BIRC3: variants seen among roughly 807,000 people sequenced by gnomAD.
BIRC3 encodes baculoviral IAP repeat containing 3, also known as baculoviral IAP repeat-containing protein 3.
In BIRC3, 26 loss-of-function variants were observed where a neutral mutation model predicts 59.0. The observed-to-expected ratio is 0.44, with a 90% CI of 0.32 to 0.61. BIRC3 has a LOEUF of 0.61. BIRC3 is among the 20% of genes least tolerant of loss of function. BIRC3 has a pLI of 0.04. For synonymous variants in BIRC3, 243 were observed against 249.2 expected, an observed-to-expected ratio of 0.98 and a Z score of 0.24; for missense variants, 641 against 711.5, an observed-to-expected ratio of 0.90 and a Z score of 1.13.
At position 102,338,677 on chromosome 11, in the gene BIRC3, G is replaced by A. The variant is rs1171907500; in HGVS notation, c.*1575G>A. On this transcript the variant is annotated 3_prime_UTR_variant, in exon 9 of 9. Transcript: ENST00000263464. ...TAGGGCAGGGCCTGTATGGGATGGGGATATTATAACCTGCTATCAAGCAAG... is the reference window on the plus strand; with the variant it reads ...TAGGGCAGGGCCTGTATGGGATGGGAATATTATAACCTGCTATCAAGCAAG... 3 of 229,192 alleles carry A rather than the reference G, an allele frequency of 1.3e-5. No individual in the cohort carries two copies. Among genetic ancestry groups the A allele is most frequent in the African/African-American group, 6.7e-5 (3 of 45,092 alleles). The allele number at this position is 229,192 out of a possible 1,614,324, so 14.2% of individuals were successfully genotyped here.
chr11:102,328,124 T>A lies in BIRC3; in HGVS notation c.1026T>A (p.Leu342=). The change falls in exon 4 of 9, where the codon CTT becomes CTA. Residue 342 remains leucine, a synonymous_variant. Coordinates refer to ENST00000263464, the MANE Select transcript of BIRC3 (RefSeq NM_001165.5). ...TTCAAGCCAGTTACCCTCATCTACTTGAACAGGTAGGGCAAGTTCTTTTTT... is the reference window on the plus strand; with the variant it reads ...TTCAAGCCAGTTACCCTCATCTACTAGAACAGGTAGGGCAAGTTCTTTTTT... ...RQVQASYPHL[L]EQLLSTSDSP... 1 of 1,607,482 alleles carries A rather than the reference T, an allele frequency of 6.2e-7. No individual in the cohort carries two copies.
At position 102,325,421 on chromosome 11, in the gene BIRC3, G is replaced by C. The variant is rs1200652082; in HGVS notation, c.854-45G>C. 1.9e-6 allele frequency: 3 copies of C among 1,593,754 alleles called. No individual in the cohort carries two copies. The African/African-American group carries it at 4.1e-5, about 22-fold the overall frequency. On this transcript the variant is annotated intron_variant, in intron 2 of 8. Coordinates refer to ENST00000263464, the MANE Select transcript of BIRC3 (RefSeq NM_001165.5). ...TATTTCATTTTATACATTTTAGTGGGCAAATTATGTGTATTCATAAGTTTT... is the reference window on the plus strand; with the variant it reads ...TATTTCATTTTATACATTTTAGTGGCCAAATTATGTGTATTCATAAGTTTT...
In BIRC3 at chr11:102,339,210, G is replaced by GTTT. The variant is rs11403428; in HGVS notation, c.*2117_*2119dup. On this transcript the variant is annotated 3_prime_UTR_variant, in exon 9 of 9. Transcript: ENST00000263464. ...AGTAGGCACCCTTTTTGCACCATGT[G>GTTT]TTTTTTTTTTTATCTAGTTCTTGTA... 30 of 182,200 alleles carry GTTT rather than the reference G, an allele frequency of 1.6e-4. No individual in the cohort carries two copies. Among genetic ancestry groups the GTTT allele is most frequent in the East Asian group, 3.6e-4 (4 of 11,064 alleles). The allele number at this position is 182,200 out of a possible 1,614,324, so 11.3% of individuals were successfully genotyped here.
Position 102,317,588 on chromosome 11 carries a change from G to GGTGTGTGTGTGTGTGTGTGT in BIRC3, c.-2674+19_-2674+38dup, listed in dbSNP as rs57970279. ...GGGCAGCAGGTGGGCAAGGAAGGCT[G>GGTGTGTGTGTGTGTGTGTGT]GTGTGTGTGTGTGTGTGTGTGCGTG... On this transcript the variant is annotated intron_variant, in intron 1 of 8. Coordinates refer to ENST00000263464, the MANE Select transcript of BIRC3 (RefSeq NM_001165.5). The GGTGTGTGTGTGTGTGTGTGT allele has an allele frequency of 2.0e-5, 3 of 151,004 alleles. No homozygotes were observed. Among genetic ancestry groups the GGTGTGTGTGTGTGTGTGTGT allele is most frequent in the Non-Finnish European group, 4.4e-5 (3 of 68,126 alleles). The allele number at this position is 151,004 out of a possible 1,614,324, so 9.4% of individuals were successfully genotyped here.
chr11:102,331,357 T>A, intron 6 of BIRC3, 116 bp downstream of exon 6: 1 of 1,137,664 alleles, frequency 8.8e-7, no homozygotes, highest in South Asian at 2.7e-5. Flanking sequence ...GTCAGGTTTT[T>A]TTCATGTTTA....
chr11:102,325,606 T>C, intron 3 of BIRC3, 41 bp downstream of exon 3: 2 of 1,574,126 alleles, frequency 1.3e-6, no homozygotes, highest in Non-Finnish European at 1.7e-6. Context: ...CTTGTGATTA[T>C]CATGAGATTG....
intron 6 of BIRC3, among the ~76,000 whole-genome samples, chr11:102,332,455 C>G (rs546608065): frequency 6.6e-6 from 1 of 152,342 alleles, no homozygotes; most frequent in East Asian, 1.9e-4. Flanking sequence ...CCCTGCCTAG[C>G]TTCTGGTTCA....
chr11:102,322,043 T>A lies in BIRC3; in HGVS notation c.-2467T>A, dbSNP rs1028356626. 4.1e-5 allele frequency: 8 copies of A among 196,990 alleles called. No individual in the cohort carries two copies. The highest frequency in any genetic ancestry group is 8.4e-5 in the Non-Finnish European group (8 of 95,018). The allele number at this position is 196,990 out of a possible 1,614,324, so 12.2% of individuals were successfully genotyped here. ...ATTTTATAAACATGATCGAGTTATA[T>A]AAGGTATACCATAATGAGTTTGATT... On this transcript the variant is annotated 5_prime_UTR_variant, in exon 2 of 9. It introduces an in-frame stop codon into an upstream open reading frame of the 5' UTR. Transcript: ENST00000263464.
chr11:102,331,085 T>C lies in BIRC3; in HGVS notation c.1168T>C (p.Phe390Leu). Residue 390 changes from phenylalanine (F) to leucine (L), a missense_variant, in exon 6 of 9, where the codon TTT (phenylalanine) becomes CTT (leucine). Transcript: ENST00000263464. ...PVINAAVEMG[F>L]SRSLVKQTVQ... ...GATTAATGCTGCCGTGGAAATGGGCTTTAGTAGAAGCCTGGTAAAACAGAC... is the reference window on the plus strand; with the variant it reads ...GATTAATGCTGCCGTGGAAATGGGCCTTAGTAGAAGCCTGGTAAAACAGAC... The C allele has an allele frequency of 6.2e-7, 1 of 1,613,868 alleles. No homozygotes were observed. The highest frequency in any genetic ancestry group is 8.5e-7 in the Non-Finnish European group (1 of 1,179,874).
At chr11:102,321,597 C>A (rs1216920665) in intron 1 of BIRC3, among the ~76,000 whole-genome samples, 6 of 152,290 alleles carry the variant, frequency 3.9e-5, no homozygotes, top group Admixed American at 1.3e-4. Context: ...TCAAGTGATC[C>A]ACTTGTCTTG....
chr11:102,333,447 C>T (rs1019529249), intron 6 of BIRC3, among the ~76,000 whole-genome samples: 1 of 151,618 alleles, frequency 6.6e-6, no homozygotes, highest in African/African-American at 2.4e-5. Flanking sequence ...GTCTGTAGTC[C>T]CAGCTCTACT....
rs760734130 is a variant in BIRC3, at chr11:102,325,302, T to A, written c.793T>A (p.Trp265Arg). 1 of 1,614,066 alleles carries A rather than the reference T, an allele frequency of 6.2e-7. No homozygotes were observed. Among genetic ancestry groups the A allele is most frequent in the Non-Finnish European group, 8.5e-7 (1 of 1,179,954 alleles). The change falls in exon 2 of 9, where the codon TGG becomes AGG. Residue 265 changes from tryptophan to arginine, a missense_variant. Transcript: ENST00000263464. Reference protein sequence around the residue: ...HAARFKTFFNWPSSVLVNPEQ... With the variant: ...HAARFKTFFNRPSSVLVNPEQ... The stretch of plus-strand genomic sequence containing the variant: ...AGCCCGCTTTAAAACATTCTTTAAC[T>A]GGCCCTCTAGTGTTCTAGTTAATCC...
chr11:102,322,448 G>A lies in BIRC3; in HGVS notation c.-2062G>A, dbSNP rs1437901609. On this transcript the variant is annotated 5_prime_UTR_variant, in exon 2 of 9. Coordinates refer to ENST00000263464, the MANE Select transcript of BIRC3 (RefSeq NM_001165.5). Reference sequence around the variant, plus strand: ...TTACAAGGCCACTGATATTTTAAACGTCCAAAAGTTTGTTTAAATGGGCTG... The same window carrying A: ...TTACAAGGCCACTGATATTTTAAACATCCAAAAGTTTGTTTAAATGGGCTG... 1.5e-5 allele frequency: 3 copies of A among 205,556 alleles called. No individual in the cohort carries two copies. Among genetic ancestry groups the A allele is most frequent in the African/African-American group, 4.6e-5 (2 of 43,832 alleles). The allele number at this position is 205,556 out of a possible 1,614,324, so 12.7% of individuals were successfully genotyped here.
At chr11:102,319,707 T>C (rs527813942) in intron 1 of BIRC3, among the ~76,000 whole-genome samples, 48 of 151,760 alleles carry the variant, frequency 3.2e-4, no homozygotes, top group Admixed American at 2.2e-3. Context: ...AAGAGGTGCA[T>C]AGGGCATGGG....
At chr11:102,332,041 G>T (rs773517992) in intron 6 of BIRC3, among the ~76,000 whole-genome samples, 5 of 152,148 alleles carry the variant, frequency 3.3e-5, no homozygotes, top group Non-Finnish European at 7.3e-5. Flanking sequence ...GTCCACACAA[G>T]AACTGAGTCT....
At position 102,337,077 on chromosome 11, in the gene BIRC3, G is replaced by A. The variant is rs1951204407; in HGVS notation, c.1790G>A (p.Gly597Asp). ...KCPICRSTIK[G>D]TVRTFLS Reference sequence around the variant, plus strand: ...CCTATTTGTAGGAGTACAATCAAGGGTACAGTTCGTACATTTCTTTCATGA... The same window carrying A: ...CCTATTTGTAGGAGTACAATCAAGGATACAGTTCGTACATTTCTTTCATGA... Residue 597 changes from glycine (G) to aspartate (D), a missense_variant, in exon 9 of 9, where the codon GGT becomes GAT. This residue lies in a region of BIRC3 where 41 missense variants were observed against 73.4 expected (regional missense o/e 0.56). Coordinates refer to ENST00000263464, the MANE Select transcript of BIRC3 (RefSeq NM_001165.5). 1.3e-6 allele frequency: 2 copies of A among 1,522,494 alleles called. No individual in the cohort carries two copies. The highest frequency in any genetic ancestry group is 2.5e-5 in the East Asian group (1 of 40,634). 94.3% of individuals were successfully genotyped at this position (1,522,494 alleles called of 1,614,324 possible).
rs1951065251 is a variant in BIRC3 at position 102,324,832 on chromosome 11, C to T, written c.323C>T (p.Thr108Ile). ...SLNSVNNLEA[T>I]SQPTFPSSVT... ...AATTCCGTTAACAACTTGGAAGCTACCTCTCAGCCTACTTTTCCTTCTTCA... is the reference window on the plus strand; with the variant it reads ...AATTCCGTTAACAACTTGGAAGCTATCTCTCAGCCTACTTTTCCTTCTTCA... Residue 108 changes from threonine (T) to isoleucine (I), a missense_variant, in exon 2 of 9, where the codon ACC becomes ATC. Transcript: ENST00000263464. 6.2e-7 allele frequency: 1 copy of T among 1,614,206 alleles called. No homozygotes were observed. The highest frequency in any genetic ancestry group is 8.5e-7 in the Non-Finnish European group (1 of 1,180,036).
chr11:102,319,634 G>A (rs1304078854), intron 1 of BIRC3, among the ~76,000 whole-genome samples: 1 of 152,202 alleles, frequency 6.6e-6, no homozygotes, highest in Non-Finnish European at 1.5e-5. Flanking sequence ...AGAAGGCAAA[G>A]TAATTGACTG....
rs376497142 is a variant in BIRC3, at chr11:102,321,432, G to T, written c.-2673-405G>T. On this transcript the variant is annotated intron_variant, in intron 1 of 8. Transcript: ENST00000263464. Reference sequence around the variant, plus strand: ...TGTAGTGGCACTATTTCGGCCCACTGCAACCTCCACCTCCCAGGCTCACAT... The same window carrying T: ...TGTAGTGGCACTATTTCGGCCCACTTCAACCTCCACCTCCCAGGCTCACAT... Among the ~76,000 whole-genome samples the T allele has an allele frequency of 1.8e-3, 271 of 152,248 alleles. 8 individuals carry two copies. The South Asian group carries it at 0.054, about 31-fold the overall frequency.
Sources: gnomAD v4.1 joint callset for allele counts (sites outside exome capture counted in the v4.1 genomes callset) on GRCh38, gnomAD v4.1.1 for gene constraint, gnomAD v4.1.1 regional missense constraint, MANE v1.5 for transcripts, NCBI Gene and HGNC (gene_info 2026-07-23, HGNC 2026-07-21) for gene names.